Variants in CHODL observed in about 807,000 individuals in gnomAD.
CHODL encodes the protein transmembrane protein MT75.
A neutral mutation model predicts 34.5 loss-of-function variants in CHODL; 29 were observed. The observed-to-expected ratio is 0.84, with a 90% confidence interval of 0.63 to 1.15. The LOEUF (loss-of-function observed/expected upper bound fraction) is 1.15. Among genes scored for constraint, CHODL ranks in the 50% most tolerant of loss-of-function variants. The pLI is 0.00. For synonymous variants in CHODL, 125 were observed against 116.1 expected (o/e 1.08, Z -0.49); for missense variants, 332 against 332.5 (o/e 1.00, Z 0.01).
intron 2 of CHODL, among the ~76,000 whole-genome samples, chr21:18,142,743 A>G (rs889301432): frequency 2.0e-5 from 3 of 152,184 alleles, no homozygotes; most frequent in Non-Finnish European, 4.4e-5. Context: ...ACTTGTATTC[A>G]GATCTGCCAG....
At chr21:18,084,919 TAGTG>T (rs1240933370) in intron 2 of CHODL, among the ~76,000 whole-genome samples, 12,672 of 128,212 alleles carry the variant, frequency 0.099, 617 homozygotes, top group Non-Finnish European at 0.12. Context: ...GGTCTAGTAA[TAGTG>T]TGTGTGTGTG....
At chr21:18,104,074 G>T (rs910107911) in intron 2 of CHODL, among the ~76,000 whole-genome samples, 2 of 152,140 alleles carry the variant, frequency 1.3e-5, no homozygotes, top group African/African-American at 4.8e-5. Context: ...TCATGTATAA[G>T]GAAATCATAT....
intron 2 of CHODL, among the ~76,000 whole-genome samples, chr21:18,199,037 GTTGA>G (rs759831656): frequency 5.3e-5 from 8 of 152,056 alleles, no homozygotes; most frequent in Non-Finnish European, 8.8e-5. Flanking sequence ...ATTAAAATAA[GTTGA>G]TTAAGTAATT....
At chr21:18,107,308 G>A (rs1338122542) in intron 2 of CHODL, among the ~76,000 whole-genome samples, 1 of 152,150 alleles carries the variant, frequency 6.6e-6, no homozygotes, top group Non-Finnish European at 1.5e-5. Context: ...CTAGTTCCTG[G>A]TACACAGATA....
chr21:17,948,177 C>G (rs1241628439), intron 1 of CHODL, among the ~76,000 whole-genome samples: 2 of 151,996 alleles, frequency 1.3e-5, no homozygotes, highest in African/African-American at 2.4e-5. Context: ...GGGATGAGAA[C>G]TGAGAAATTA....
rs1314859482 is a variant in CHODL, at chr21:18,266,448, A to T, written c.*410A>T. The T allele has an allele frequency of 4.2e-6, 1 of 235,346 alleles. No individual in the cohort carries two copies. The highest frequency in any genetic ancestry group is 2.3e-5 in the African/African-American group (1 of 43,664). 14.6% of individuals were successfully genotyped at this position (235,346 alleles called of 1,614,324 possible). Reference sequence around the variant, plus strand: ...GTGTGCAAAAGTATTTTACCTTTGCATAAGTGTTTGATAAAAATGAACTGT... The same window carrying T: ...GTGTGCAAAAGTATTTTACCTTTGCTTAAGTGTTTGATAAAAATGAACTGT... On this transcript the variant is annotated 3_prime_UTR_variant, in exon 6 of 6. Coordinates refer to ENST00000299295, the MANE Select transcript of CHODL (RefSeq NM_024944.3).
At chr21:18,037,822 A>G (rs2064328884) in intron 2 of CHODL, among the ~76,000 whole-genome samples, 1 of 151,810 alleles carries the variant, frequency 6.6e-6, no homozygotes, top group Admixed American at 6.6e-5. Flanking sequence ...AGAGGGGAAT[A>G]TACAAACTTT....
rs189344789 is a variant in CHODL, at chr21:18,149,755, A to G, written c.-44-106754A>G. 2.0e-3 allele frequency among the ~76,000 whole-genome samples: 306 copies of G among 152,354 alleles called. 2 individuals carry two copies. Among genetic ancestry groups the G allele is most frequent in the African/African-American group, 7.0e-3 (290 of 41,584 alleles). ...GTCCAATAAGTTAAGTTGTCCTTTG[A>G]TAGGACACTGGCTAACTGGGATGAG... is the stretch of plus-strand genomic sequence containing the variant. On this transcript the variant is annotated intron_variant, in intron 2 of 6. Coordinates refer to the CHODL transcript ENST00000400127.
chr21:17,935,077 G>A (rs1180416151), intron 1 of CHODL, among the ~76,000 whole-genome samples: 1 of 151,914 alleles, frequency 6.6e-6, no homozygotes, highest in African/African-American at 2.4e-5. Flanking sequence ...TTTATTCCTG[G>A]CAGCCAGGAG....
chr21:17,930,642 C>G (rs1291415423), intron 1 of CHODL, among the ~76,000 whole-genome samples: 2 of 152,332 alleles, frequency 1.3e-5, no homozygotes, highest in South Asian at 2.1e-4. Flanking sequence ...CCCTCCAGGA[C>G]TCATGCACAT....
chr21:17,939,254 C>T (rs1294631023), intron 1 of CHODL, among the ~76,000 whole-genome samples: 1 of 152,158 alleles, frequency 6.6e-6, no homozygotes, highest in African/African-American at 2.4e-5. Context: ...CCCCCCACCT[C>T]AGTAACTGCC....
chr21:18,004,503 G>A lies in CHODL; in HGVS notation c.-144-23369G>A, dbSNP rs544496965. 7.2e-5 allele frequency among the ~76,000 whole-genome samples: 11 copies of A among 152,310 alleles called. 2 individuals carry two copies. In the East Asian group the frequency reaches 7.7e-4, roughly 11 times the overall value. On this transcript the variant is annotated intron_variant, in intron 1 of 6. Coordinates refer to the CHODL transcript ENST00000400127. Reference sequence around the variant, plus strand: ...GTTGACATACCTGAAATACGTACCCGTGGCTTTTAGGAAATCGAGCATACA... The same window carrying A: ...GTTGACATACCTGAAATACGTACCCATGGCTTTTAGGAAATCGAGCATACA...
At chr21:18,126,914 C>T (rs767854144) in intron 2 of CHODL, among the ~76,000 whole-genome samples, 5 of 152,144 alleles carry the variant, frequency 3.3e-5, no homozygotes, top group Non-Finnish European at 7.3e-5. Flanking sequence ...CTACAGAAAT[C>T]CTGGAATACT....
intron 2 of CHODL, among the ~76,000 whole-genome samples, chr21:18,115,057 T>C (rs561116112): frequency 6.6e-6 from 1 of 152,370 alleles, no homozygotes; most frequent in African/African-American, 2.4e-5. Flanking sequence ...TTCAGGGTTG[T>C]ATGTTACATG....
At chr21:18,087,279 T>C (rs1287008403) in intron 2 of CHODL, among the ~76,000 whole-genome samples, 1 of 151,814 alleles carries the variant, frequency 6.6e-6, no homozygotes, top group African/African-American at 2.4e-5. Flanking sequence ...AGCAGGGAAA[T>C]GGATATTGTC....
At chr21:17,978,860 A>G (rs1270948953) in intron 1 of CHODL, among the ~76,000 whole-genome samples, 1 of 151,752 alleles carries the variant, frequency 6.6e-6, no homozygotes, top group East Asian at 1.9e-4. Context: ...TGTGGTTGAA[A>G]TGCTAAGGTT....
chr21:18,060,461 T>G (rs1027623211), intron 2 of CHODL, among the ~76,000 whole-genome samples: 3 of 151,206 alleles, frequency 2.0e-5, no homozygotes, highest in Non-Finnish European at 2.9e-5. Flanking sequence ...AATAAATAAA[T>G]AAATAAATAA....
chr21:18,160,971 T>G (rs2073088767), intron 2 of CHODL, among the ~76,000 whole-genome samples: 1 of 152,216 alleles, frequency 6.6e-6, no homozygotes, highest in South Asian at 2.1e-4. Flanking sequence ...TGTTCCTTTT[T>G]CTCCACAACC....
At chr21:18,136,719 C>CATATAT (rs147280660) in intron 2 of CHODL, among the ~76,000 whole-genome samples, 2,124 of 118,572 alleles carry the variant, frequency 0.018, 38 homozygotes, top group Non-Finnish European at 0.029. Flanking sequence ...TAAATCAAAG[C>CATATAT]ATATATATAT....
Sources: allele counts gnomAD v4.1 joint callset (sites outside exome capture counted in the v4.1 genomes callset), GRCh38; gene constraint gnomAD v4.1.1; transcripts MANE v1.5; gene names NCBI Gene and HGNC (gene_info 2026-07-23, HGNC 2026-07-21).